Variants in BNC2 observed in about 807,000 individuals in gnomAD.
The protein encoded by BNC2 is basonuclin zinc finger protein 2, also known as zinc finger protein basonuclin-2.
A neutral mutation model predicts 76.3 loss-of-function variants in BNC2; 20 were observed. That is an observed-to-expected ratio of 0.26 (90% CI 0.18 to 0.38). The LOEUF (loss-of-function observed/expected upper bound fraction) is 0.38. Ranked by LOEUF, BNC2 falls within the 10% of genes least tolerant of loss-of-function variation. The pLI, the probability that BNC2 is intolerant of heterozygous loss-of-function variation, is 1.00. For synonymous variants in BNC2, 582 were observed against 514.8 expected, an observed-to-expected ratio of 1.13 and a Z score of -1.77; for missense variants, 1,382 against 1,399.8, an observed-to-expected ratio of 0.99 and a Z score of 0.20.
chr9:16,498,128 CAT>C (rs896045525), intron 5 of BNC2, among the ~76,000 whole-genome samples: 2 of 119,466 alleles, frequency 1.7e-5, no homozygotes, highest in East Asian at 2.3e-4. Context: ...TATATTCTAT[CAT>C]ATATATATTC....
intron 5 of BNC2, among the ~76,000 whole-genome samples, chr9:16,515,635 A>G (rs372165136): frequency 7.9e-5 from 12 of 151,614 alleles, no homozygotes; most frequent in African/African-American, 2.4e-4. Context: ...GATGTGGTCG[A>G]AAAAAAATCA....
intron 5 of BNC2, among the ~76,000 whole-genome samples, chr9:16,541,759 C>A (rs1195210374): frequency 2.0e-5 from 3 of 152,124 alleles, no homozygotes; most frequent in Non-Finnish European, 1.5e-5. Flanking sequence ...TCTCTAGAGA[C>A]AAAACCTATG....
chr9:16,792,517 A>C (rs1817541114), intron 1 of BNC2, among the ~76,000 whole-genome samples: 1 of 152,242 alleles, frequency 6.6e-6, no homozygotes, highest in Non-Finnish European at 1.5e-5. Context: ...GGTTTCTGGC[A>C]AAAGAACAAG....
At chr9:16,428,257 C>T (rs1435380545) in intron 6 of BNC2, among the ~76,000 whole-genome samples, 1 of 152,164 alleles carries the variant, frequency 6.6e-6, no homozygotes, top group East Asian at 1.9e-4. Context: ...AGCGAACTGA[C>T]CCACCAGTGC....
intron 6 of BNC2, chr9:16,431,512 T>C (rs753919725): frequency 4.3e-6 from 2 of 466,728 alleles, no homozygotes; most frequent in South Asian, 3.1e-5. Context: ...ATATGTATAC[T>C]TCATAATGGA....
At chr9:16,870,622 G>C (rs1256308891) in intron 1 of BNC2, 24 bp downstream of exon 1, 5 of 1,610,346 alleles carry the variant, frequency 3.1e-6, no homozygotes, top group African/African-American at 1.3e-5. Flanking sequence ...GAATAAAAGA[G>C]GAAGGAGGGT....
intron 6 of BNC2, among the ~76,000 whole-genome samples, chr9:16,422,988 C>T (rs1820737983): frequency 1.3e-5 from 2 of 152,132 alleles, no homozygotes; most frequent in African/African-American, 2.4e-5. Context: ...GGGAGAGACA[C>T]AGAAAGAACT....
chr9:16,429,961 A>T (rs759213764), intron 6 of BNC2: 2 of 516,270 alleles, frequency 3.9e-6, no homozygotes, highest in South Asian at 2.8e-5. Flanking sequence ...TCCCCATGAT[A>T]CAAGGAGACC....
chr9:16,772,822 CA>C (rs1458151893), intron 1 of BNC2, among the ~76,000 whole-genome samples: 1 of 152,112 alleles, frequency 6.6e-6, no homozygotes, highest in Non-Finnish European at 1.5e-5. Context: ...CATTCCCGTA[CA>C]AAATAATTGT....
At chr9:16,516,887 ATGTTTC>A (rs1227491005) in intron 5 of BNC2, among the ~76,000 whole-genome samples, 1 of 152,228 alleles carries the variant, frequency 6.6e-6, no homozygotes, top group Non-Finnish European at 1.5e-5. Flanking sequence ...CGTTAATTAG[ATGTTTC>A]TGGTTTCTTT....
chr9:16,672,220 G>A (rs531461606), intron 3 of BNC2, among the ~76,000 whole-genome samples: 8 of 152,254 alleles, frequency 5.3e-5, no homozygotes, highest in East Asian at 3.9e-4. Flanking sequence ...AACATTGGCC[G>A]GACGCGGTGG....
chr9:16,556,557 C>T (rs1022538024), intron 4 of BNC2, among the ~76,000 whole-genome samples: 6 of 151,698 alleles, frequency 4.0e-5, no homozygotes, highest in African/African-American at 2.4e-5. Flanking sequence ...ATCATGAGGT[C>T]AAGAGATCAA....
At chr9:16,735,092 A>G (rs139467068) in intron 2 of BNC2, among the ~76,000 whole-genome samples, 1 of 152,310 alleles carries the variant, frequency 6.6e-6, no homozygotes, top group East Asian at 1.9e-4. Context: ...AAAATTTTAA[A>G]ATAAAAGGAT....
At chr9:16,728,431 G>A (rs1389296412) in intron 2 of BNC2, among the ~76,000 whole-genome samples, 1 of 152,134 alleles carries the variant, frequency 6.6e-6, no homozygotes, top group Non-Finnish European at 1.5e-5. Flanking sequence ...AGGGCAAGGG[G>A]AAGCTAGGGC....
intron 3 of BNC2, among the ~76,000 whole-genome samples, chr9:16,598,112 C>A (rs552894394): frequency 6.6e-5 from 10 of 152,230 alleles, no homozygotes; most frequent in Admixed American, 2.0e-4. Flanking sequence ...ATTCACATCA[C>A]GTGCTAGACA....
intron 5 of BNC2, among the ~76,000 whole-genome samples, chr9:16,478,408 A>C (rs1342268854): frequency 6.6e-6 from 1 of 152,228 alleles, no homozygotes; most frequent in Non-Finnish European, 1.5e-5. Flanking sequence ...TCTGTGAAGA[A>C]GGAGATAATA....
At chr9:16,647,068 T>G (rs1042572432) in intron 3 of BNC2, among the ~76,000 whole-genome samples, 1 of 152,144 alleles carries the variant, frequency 6.6e-6, no homozygotes, top group African/African-American at 2.4e-5. Context: ...TGATGGTTGA[T>G]TTTATTTAAA....
At chr9:16,701,965 C>T (rs961880953) in intron 3 of BNC2, among the ~76,000 whole-genome samples, 4 of 149,750 alleles carry the variant, frequency 2.7e-5, no homozygotes, top group Non-Finnish European at 5.9e-5. Context: ...AAAGACCAAC[C>T]ACAATAATAT....
At chr9:16,684,756 C>A (rs1822926567) in intron 3 of BNC2, among the ~76,000 whole-genome samples, 1 of 152,002 alleles carries the variant, frequency 6.6e-6, no homozygotes, top group Non-Finnish European at 1.5e-5. Flanking sequence ...CACACACATT[C>A]CTTAAATATT....
Sources: allele counts gnomAD v4.1 joint callset (sites outside exome capture counted in the v4.1 genomes callset), GRCh38; gene constraint gnomAD v4.1.1; transcripts MANE v1.5; gene names NCBI Gene and HGNC (gene_info 2026-07-23, HGNC 2026-07-21).